The following CEMIP variants were observed in gnomAD, a reference collection of about 807,000 sequenced individuals.
CEMIP encodes the protein cell migration inducing hyaluronidase 1.
A neutral mutation model predicts 156.9 loss-of-function variants in CEMIP; 105 were observed. The ratio of observed to expected loss-of-function variants is 0.67; its 90% CI spans 0.57 to 0.79. The LOEUF (loss-of-function observed/expected upper bound fraction) is 0.79, where lower values mean the gene tolerates loss of function less well. CEMIP is among the 30% of genes least tolerant of loss of function. CEMIP has a pLI of 0.00. For missense variants in CEMIP, 1,457 were observed against 1,769.4 expected (o/e 0.82, Z 3.17); for synonymous variants, 676 against 668.4 (o/e 1.01, Z -0.17).
At chr15:80,852,394 G>C (rs1897735488) in intron 1 of CEMIP, among the ~76,000 whole-genome samples, 1 of 151,934 alleles carries the variant, frequency 6.6e-6, no homozygotes, top group Non-Finnish European at 1.5e-5. Context: ...ATGTGTGTGT[G>C]TGTTTTTTTT....
At chr15:80,837,022 C>T (rs963822098) in intron 1 of CEMIP, among the ~76,000 whole-genome samples, 2 of 152,208 alleles carry the variant, frequency 1.3e-5, no homozygotes, top group African/African-American at 4.8e-5. Context: ...GAACCACTCT[C>T]CCCTTCACTG....
At position 80,801,302 on chromosome 15, in the gene CEMIP, C is replaced by T. The variant is rs142023918; in HGVS notation, c.-176+21688C>T. 2.0e-3 allele frequency among the ~76,000 whole-genome samples: 311 copies of T among 152,298 alleles called. 2 individuals carry two copies. The highest frequency in any genetic ancestry group is 7.2e-3 in the African/African-American group (299 of 41,566). ...AATCTCAACTCTGTTTTGTATCTAT[C>T]GGCAGAACAACTGGAGGCTGGCTGG... On this transcript the variant is annotated intron_variant, in intron 1 of 29. Transcript: ENST00000394685.
In CEMIP at chr15:80,880,893, C is replaced by T; in HGVS notation, c.381-7C>T. 2 of 1,612,654 alleles carry T rather than the reference C, an allele frequency of 1.2e-6. No individual in the cohort carries two copies. The highest frequency in any genetic ancestry group is 1.7e-5 in the Admixed American group (1 of 60,026). On this transcript the variant is annotated splice_polypyrimidine_tract_variant and splice_region_variant and intron_variant, in intron 5 of 29. Transcript: ENST00000394685. The stretch of plus-strand genomic sequence containing the variant: ...AGCCAACTCTGGGGAGCTGTTTTCT[C>T]TTGCAGGGCTGATGAAGGTATTCAG...
intron 1 of CEMIP, among the ~76,000 whole-genome samples, chr15:80,855,697 G>A (rs748325486): frequency 9.2e-5 from 14 of 151,996 alleles, no homozygotes; most frequent in Admixed American, 2.6e-4. Context: ...TAATTTTTGC[G>A]TTTTTAGTAG....
At chr15:80,900,995 T>C (rs530009776) in intron 12 of CEMIP, 1 of 455,078 alleles carries the variant, frequency 2.2e-6, no homozygotes, top group African/African-American at 2.0e-5. Context: ...GGTAACATAG[T>C]AATGAAAATG....
At chr15:80,807,388 G>C (rs995998785) in intron 1 of CEMIP, among the ~76,000 whole-genome samples, 1 of 152,062 alleles carries the variant, frequency 6.6e-6, no homozygotes, top group Non-Finnish European at 1.5e-5. Flanking sequence ...ATGCCACTAT[G>C]CCTGCTAATT....
At chr15:80,915,914 A>AT (rs1449150624) in intron 14 of CEMIP, among the ~76,000 whole-genome samples, 2 of 152,206 alleles carry the variant, frequency 1.3e-5, no homozygotes, top group Non-Finnish European at 2.9e-5. Context: ...TCAAAAAGAA[A>AT]TTTTTTAAAA....
chr15:80,945,494 T>C (rs1351641660), intron 28 of CEMIP, among the ~76,000 whole-genome samples: 2 of 152,216 alleles, frequency 1.3e-5, no homozygotes, highest in African/African-American at 4.8e-5. Context: ...GAGGATGTGT[T>C]AGCAATGAGA....
intron 1 of CEMIP, among the ~76,000 whole-genome samples, chr15:80,831,768 A>C (rs1342025303): frequency 1.3e-5 from 2 of 152,212 alleles, no homozygotes; most frequent in Non-Finnish European, 2.9e-5. Flanking sequence ...GGTGAAGGTC[A>C]GGTGTCCTCA....
At chr15:80,872,545 A>G (rs1467200874) in intron 1 of CEMIP, among the ~76,000 whole-genome samples, 1 of 152,246 alleles carries the variant, frequency 6.6e-6, no homozygotes, top group Non-Finnish European at 1.5e-5. Context: ...TAGAAGTTTA[A>G]TTCAGGCGGG....
At chr15:80,884,124 G>A (rs745456895) in intron 6 of CEMIP, 51 bp from the exon 7 acceptor site, 91 of 1,587,906 alleles carry the variant, frequency 5.7e-5, no homozygotes, top group Non-Finnish European at 7.8e-5. Context: ...AGAGCTCTTT[G>A]TTTTGGCTGC....
intron 1 of CEMIP, among the ~76,000 whole-genome samples, chr15:80,837,662 C>T (rs148984798): frequency 6.6e-6 from 1 of 152,328 alleles, no homozygotes; most frequent in African/African-American, 2.4e-5. Context: ...TCCCCATCTG[C>T]CTTCCTTCAA....
intron 1 of CEMIP, among the ~76,000 whole-genome samples, chr15:80,871,551 A>G (rs1393634293): frequency 1.3e-5 from 2 of 152,086 alleles, no homozygotes; most frequent in African/African-American, 2.4e-5. Context: ...AATGAGGGTC[A>G]CCCAACAAGT....
At chr15:80,836,023 TA>T (rs60069943) in intron 1 of CEMIP, among the ~76,000 whole-genome samples, 106,678 of 148,356 alleles carry the variant, frequency 0.72, 39,518 homozygotes, top group East Asian at 0.86. Flanking sequence ...GGTTTGCTCA[TA>T]AAAAAAAAGT....
chr15:80,917,884 G>T (rs1318573760), intron 14 of CEMIP, among the ~76,000 whole-genome samples: 1 of 152,166 alleles, frequency 6.6e-6, no homozygotes, highest in Admixed American at 6.5e-5. Context: ...AGATTAAAAG[G>T]TATAAGAGGC....
At chr15:80,924,038 G>A (rs1172344868) in intron 17 of CEMIP, among the ~76,000 whole-genome samples, 3 of 152,212 alleles carry the variant, frequency 2.0e-5, no homozygotes, top group African/African-American at 7.2e-5. Context: ...CAGGAATGAA[G>A]ACTGAATGGT....
chr15:80,907,751 T>C (rs1367059561), intron 13 of CEMIP, among the ~76,000 whole-genome samples: 1 of 150,544 alleles, frequency 6.6e-6, no homozygotes, highest in African/African-American at 2.5e-5. Flanking sequence ...ATTTCTTTTA[T>C]ATCACAATGC....
intron 1 of CEMIP, among the ~76,000 whole-genome samples, chr15:80,846,723 G>C (rs1427135629): frequency 7.9e-5 from 12 of 152,208 alleles, no homozygotes; most frequent in Non-Finnish European, 1.6e-4. Context: ...TGAGTGATCA[G>C]CTCAAGATCT....
chr15:80,800,040 T>TGTGTGC (rs1896337546), intron 1 of CEMIP, among the ~76,000 whole-genome samples: 1 of 150,674 alleles, frequency 6.6e-6, no homozygotes, highest in African/African-American at 2.4e-5. Context: ...TGTGTGTGTG[T>TGTGTGC]GTGTGTGTGT....
Sources: gnomAD v4.1 joint callset for allele counts (sites outside exome capture counted in the v4.1 genomes callset) on GRCh38, gnomAD v4.1.1 for gene constraint, MANE v1.5 for transcripts, NCBI Gene and HGNC (gene_info 2026-07-23, HGNC 2026-07-21) for gene names.